Variants in SRPK3 observed in about 807,000 individuals in gnomAD.
The protein encoded by SRPK3 is SFRS protein kinase 3.
In SRPK3, 26 loss-of-function variants were observed where a neutral mutation model predicts 45.3. The ratio of observed to expected loss-of-function variants is 0.57; its 90% confidence interval spans 0.42 to 0.80. The LOEUF (loss-of-function observed/expected upper bound fraction) is 0.80. Ranked by LOEUF, SRPK3 falls within the 30% of genes least tolerant of loss-of-function variation. SRPK3 has a pLI of 0.00. For synonymous variants in SRPK3, 254 were observed against 226.6 expected (o/e 1.12, Z -1.09); for missense variants, 536 against 514.5 (o/e 1.04, Z -0.40).
intron 9 of SRPK3, 31 bp downstream of exon 9, chrX:153,783,915 G>C (rs1201368734): frequency 8.4e-7 from 1 of 1,190,874 alleles, no homozygotes; most frequent in Non-Finnish European, 1.1e-6. Context: ...ATGGGCCGTG[G>C]AGCGCAGCAA....
At chrX:153,782,057 T>C in intron 4 of SRPK3, 64 bp from the exon 5 acceptor site, 1 of 1,062,149 alleles carries the variant, frequency 9.4e-7, no homozygotes, top group Non-Finnish European at 1.3e-6. Flanking sequence ...AAGGGTACAC[T>C]GAAGGGAGCT....
rs782132562 is a variant in SRPK3 at position 153,784,822 on chromosome X, G to A, written c.1321G>A (p.Gly441Ser). 18 of 1,211,298 alleles carry A rather than the reference G, an allele frequency of 1.5e-5. No individual in the cohort carries two copies. The South Asian group carries it at 2.6e-4, about 18-fold the overall frequency. The change falls in exon 12 of 15, where the codon GGC (glycine) becomes AGC (serine). Residue 441 changes from glycine to serine, a missense_variant. Physicochemically the swap from Gly to Ser is moderately conservative, Grantham distance 56 (BLOSUM62 0). Transcript: ENST00000370101. ...AVEVLIGAEY[G>S]PPADIWSTAC... ...CGAGGTGCTGATCGGCGCCGAATAC[G>A]GCCCCCCGGCAGACATCTGGAGCAC... is the stretch of plus-strand genomic sequence containing the variant.
chrX:153,783,868 T>A lies in SRPK3; in HGVS notation c.891T>A (p.Ala297=). 2.5e-6 allele frequency: 3 copies of A among 1,191,705 alleles called. No homozygotes were observed. The highest frequency in any genetic ancestry group is 3.4e-6 in the Non-Finnish European group (3 of 886,111). The change falls in exon 9 of 15, where the codon GCT becomes GCA. Residue 297 remains alanine (A), a synonymous_variant. Coordinates refer to ENST00000370101, the MANE Select transcript of SRPK3 (RefSeq NM_014370.4). ...TGCAGAGGCTGGAGGCCATGGAGGCTGCCACCCAGGCTGAGGGTGAGGGGC... is the reference window on the plus strand; with the variant it reads ...TGCAGAGGCTGGAGGCCATGGAGGCAGCCACCCAGGCTGAGGGTGAGGGGC... ...RDLQRLEAME[A]ATQAEDSGLR...
rs1412814740 is a variant in SRPK3 at position 153,784,880 on chromosome X, G to C, written c.1356+23G>C. On this transcript the variant is annotated intron_variant, in intron 12 of 14. Coordinates refer to ENST00000370101, the MANE Select transcript of SRPK3 (RefSeq NM_014370.4). ...ATGGTACGCCCGCCCGGGCTGCCCT[G>C]TGCCCAGGGCCAGCAGCCCACCAGC... 5 of 1,209,999 alleles carry C rather than the reference G, an allele frequency of 4.1e-6. No homozygotes were observed. In the Admixed American group the frequency reaches 1.1e-4, roughly 26 times the overall value.
In SRPK3 at chrX:153,782,162, T is replaced by C. The variant is rs1557067154; in HGVS notation, c.429T>C (p.Ile143=). Residue 143 remains isoleucine, a synonymous_variant, in exon 5 of 15, where the codon ATT becomes ATC. Coordinates refer to ENST00000370101, the MANE Select transcript of SRPK3 (RefSeq NM_014370.4). ...CCAGTGACCCCAAAAGAGAGACCAT[T>C]GTCCAGCTCATTGATGACTTCAGGA... is the stretch of plus-strand genomic sequence containing the variant. The part of the protein sequence containing the change: ...SDPSDPKRET[I]VQLIDDFRIS... The C allele has an allele frequency of 1.7e-6, 2 of 1,211,109 alleles. No homozygotes were observed. Among genetic ancestry groups the C allele is most frequent in the South Asian group, 3.5e-5 (2 of 56,930 alleles).
rs529657865 is a variant in SRPK3 at position 153,785,331 on chromosome X, C to T, written c.1520-5C>T. The T allele has an allele frequency of 1.3e-5, 16 of 1,202,132 alleles. No homozygotes were observed. The highest frequency in any genetic ancestry group is 6.0e-5 in the East Asian group (2 of 33,542). ...AGAGCCTGACGCCCGCTGGCCTGCC[C>T]GCAGGAGAGCTGCGGCACATCCACA... On this transcript the variant is annotated splice_polypyrimidine_tract_variant and splice_region_variant and intron_variant, in intron 14 of 14. Coordinates refer to ENST00000370101, the MANE Select transcript of SRPK3 (RefSeq NM_014370.4).
At chrX:153,784,623 G>A in intron 11 of SRPK3, 127 bp from the exon 12 acceptor site, 1 of 861,575 alleles carries the variant, frequency 1.2e-6, no homozygotes, top group African/African-American at 2.0e-5. Context: ...TGGAGGACCT[G>A]GGGACCCCGA....
At position 153,783,655 on chromosome X, in the gene SRPK3, G is replaced by A. The variant is rs782693707; in HGVS notation, c.775-97G>A. On this transcript the variant is annotated intron_variant, in intron 8 of 14. Transcript: ENST00000370101. Reference sequence around the variant, plus strand: ...GGTGTCCATGGGAGCCCTGGGGCCCGGAGAGGCCTCTTCCCTGGCGGCTGT... The same window carrying A: ...GGTGTCCATGGGAGCCCTGGGGCCCAGAGAGGCCTCTTCCCTGGCGGCTGT... The A allele has an allele frequency of 5.8e-3, 6,774 of 1,159,624 alleles. 26 individuals carry two copies. Among genetic ancestry groups the A allele is most frequent in the Non-Finnish European group, 6.8e-3 (5,873 of 867,189 alleles).
chrX:153,782,347 C>T (rs1569542447), intron 5 of SRPK3, 139 bp downstream of exon 5: 9 of 506,688 alleles, frequency 1.8e-5, no homozygotes, highest in Non-Finnish European at 2.7e-5. Flanking sequence ...GGCACGACCC[C>T]GCCCCCAGGT....
chrX:153,781,503 A>T lies in SRPK3; in HGVS notation c.191-2A>T, dbSNP rs1475975369. ...ACCCCAATCTACATCTCCCCTGGGCAGGCGGCTACCACCCTGTGAAGATCG... is the reference window on the plus strand; with the variant it reads ...ACCCCAATCTACATCTCCCCTGGGCTGGCGGCTACCACCCTGTGAAGATCG... On this transcript the variant is annotated splice_acceptor_variant, in intron 2 of 14. Transcript: ENST00000370101. LOFTEE classifies it high-confidence loss of function. The T allele has an allele frequency of 4.1e-6, 5 of 1,206,570 alleles. No individual in the cohort carries two copies. The highest frequency in any genetic ancestry group is 5.6e-6 in the Non-Finnish European group (5 of 893,104).
Position 153,781,729 on chromosome X carries a change from T to C in SRPK3, c.300-14T>C. 8.3e-7 allele frequency: 1 copy of C among 1,209,650 alleles called. No homozygotes were observed. Among genetic ancestry groups the C allele is most frequent in the Non-Finnish European group, 1.1e-6 (1 of 894,674 alleles). ...CTGCCAGGGCCACAGCCTACAAGGGTCTCGGTATTGCAGGCGCAAGCGCTT... is the reference window on the plus strand; with the variant it reads ...CTGCCAGGGCCACAGCCTACAAGGGCCTCGGTATTGCAGGCGCAAGCGCTT... On this transcript the variant is annotated splice_polypyrimidine_tract_variant and intron_variant, in intron 3 of 14. Transcript: ENST00000370101.
Position 153,781,250 on chromosome X carries a change from T to C in SRPK3, c.94T>C (p.Ser32Pro). 1 of 1,209,221 alleles carries C rather than the reference T, an allele frequency of 8.3e-7. No homozygotes were observed. Among genetic ancestry groups the C allele is most frequent in the Non-Finnish European group, 1.1e-6 (1 of 894,588 alleles). Residue 32 changes from serine to proline, a missense_variant, in exon 2 of 15, where the codon TCC (serine) becomes CCC (proline). Ser to Pro is a moderately conservative substitution (Grantham distance 74). Coordinates refer to ENST00000370101, the MANE Select transcript of SRPK3 (RefSeq NM_014370.4). Reference sequence around the variant, plus strand: ...CTCCTGCGGGCCCGAGTCCTCGGGCTCCGAACTAGCCCTGGCCACACCGGT... The same window carrying C: ...CTCCTGCGGGCCCGAGTCCTCGGGCCCCGAACTAGCCCTGGCCACACCGGT... The part of the protein sequence containing the change: ...QASCGPESSG[S>P]ELALATPVPQ...
Position 153,784,829 on chromosome X carries a change from C to T in SRPK3, c.1328C>T (p.Pro443Leu), listed in dbSNP as rs1001671484. The T allele has an allele frequency of 6.6e-6, 8 of 1,210,542 alleles. No individual in the cohort carries two copies. Among genetic ancestry groups the T allele is most frequent in the Admixed American group, 4.3e-5 (2 of 46,078 alleles). Residue 443 changes from proline to leucine, a missense_variant, in exon 12 of 15, where the codon CCG becomes CTG. Physicochemically the swap from Pro to Leu is moderately conservative, Grantham distance 98. Transcript: ENST00000370101. Reference protein sequence around the residue: ...EVLIGAEYGPPADIWSTACMA... With the variant: ...EVLIGAEYGPLADIWSTACMA... ...CTGATCGGCGCCGAATACGGCCCCC[C>T]GGCAGACATCTGGAGCACAGCCTGC...
intron 11 of SRPK3, 82 bp from the exon 12 acceptor site, chrX:153,784,668 G>A (rs961180686): frequency 6.3e-6 from 7 of 1,109,955 alleles, no homozygotes; most frequent in Non-Finnish European, 7.4e-6. Context: ...TCCTCGGGTA[G>A]GCGGATCGGG....
At chrX:153,783,343 CT>C in intron 8 of SRPK3, 92 bp downstream of exon 8, 1 of 591,440 alleles carries the variant, frequency 1.7e-6, no homozygotes. Flanking sequence ...CACCCCCCAC[CT>C]TCACGCACTC....
intron 3 of SRPK3, 47 bp from the exon 4 acceptor site, chrX:153,781,696 C>T (rs782173024): frequency 5.8e-6 from 7 of 1,204,988 alleles, no homozygotes; most frequent in Admixed American, 2.2e-5. Flanking sequence ...TGATCCCCGC[C>T]GTGGGTCCTG....
In SRPK3 at chrX:153,785,109, G is replaced by A. The variant is rs782573476; in HGVS notation, c.1455G>A (p.Leu485=). Residue 485 remains leucine (L), a synonymous_variant, in exon 14 of 15, where the codon CTG becomes CTA. Coordinates refer to ENST00000370101, the MANE Select transcript of SRPK3 (RefSeq NM_014370.4). ...EDHIAHIVEL[L]GDIPPAFALS... is the part of the protein sequence containing the mutation. Reference sequence around the variant, plus strand: ...ACATCGCTCACATAGTGGAGCTTCTGGGGGACATCCCCCCAGCCTTCGCCC... The same window carrying A: ...ACATCGCTCACATAGTGGAGCTTCTAGGGGACATCCCCCCAGCCTTCGCCC... 1.1e-5 allele frequency: 13 copies of A among 1,211,286 alleles called. No homozygotes were observed. In the South Asian group the frequency reaches 2.3e-4, roughly 21 times the overall value.
At chrX:153,784,497 C>G (rs2092073108) in intron 11 of SRPK3, 103 bp downstream of exon 11, 3 of 961,254 alleles carry the variant, frequency 3.1e-6, no homozygotes, top group Non-Finnish European at 4.3e-6. Context: ...TGCACGTGAA[C>G]CGTCGGCTGG....
In SRPK3 at chrX:153,783,841, C is replaced by T; in HGVS notation, c.864C>T (p.Asp288=). The T allele has an allele frequency of 2.5e-6, 3 of 1,197,954 alleles. No individual in the cohort carries two copies. Among genetic ancestry groups the T allele is most frequent in the Non-Finnish European group, 2.2e-6 (2 of 889,065 alleles). ...GGCTGCTGGAGGAGCGGCTGCGGGA[C>T]CTGCAGAGGCTGGAGGCCATGGAGG... ...QKRLLEERLR[D]LQRLEAMEAA... The change falls in exon 9 of 15, where the codon GAC becomes GAT. Residue 288 remains aspartate (D), a synonymous_variant. Coordinates refer to ENST00000370101, the MANE Select transcript of SRPK3 (RefSeq NM_014370.4).
Sources: gnomAD v4.1 joint callset for allele counts on GRCh38, gnomAD v4.1.1 for gene constraint, MANE v1.5 for transcripts, NCBI Gene and HGNC (gene_info 2026-07-23, HGNC 2026-07-21) for gene names.